Variants in SLC9A9 observed in about 807,000 individuals in gnomAD.
SLC9A9 encodes the protein solute carrier family 9 member A9.
Under a neutral mutation model 77.8 loss-of-function variants are expected in SLC9A9, and 62 were observed. The observed-to-expected ratio is 0.80, with a 90% CI of 0.65 to 0.98. The LOEUF (loss-of-function observed/expected upper bound fraction) is 0.98, where lower values mean the gene tolerates loss of function less well. Ranked by LOEUF, SLC9A9 falls within the 50% of genes least tolerant of loss-of-function variation. The pLI is 0.00. For synonymous variants in SLC9A9, 320 were observed against 283.5 expected (o/e 1.13, Z -1.29); for missense variants, 775 against 774.9 (o/e 1.00, Z 0.00).
intron 11 of SLC9A9, among the ~76,000 whole-genome samples, chr3:143,469,462 A>T (rs2035340707): frequency 6.6e-6 from 1 of 152,222 alleles, no homozygotes; most frequent in African/African-American, 2.4e-5. Context: ...AATCTCAATG[A>T]TCCACTTTTT....
chr3:143,534,728 G>T (rs2036565404), intron 9 of SLC9A9, among the ~76,000 whole-genome samples: 1 of 152,154 alleles, frequency 6.6e-6, no homozygotes, highest in Non-Finnish European at 1.5e-5. Context: ...TGGGTGCTAG[G>T]CTTGATGTCT....
At chr3:143,281,345 C>T (rs887069655) in intron 14 of SLC9A9, among the ~76,000 whole-genome samples, 3 of 152,080 alleles carry the variant, frequency 2.0e-5, no homozygotes, top group Non-Finnish European at 2.9e-5. Flanking sequence ...TGTAGTCTAA[C>T]CTATTCTAAT....
chr3:143,574,271 C>T, intron 7 of SLC9A9, 78 bp from the exon 8 acceptor site: 1 of 1,174,624 alleles, frequency 8.5e-7, no homozygotes, highest in East Asian at 2.5e-5. Context: ...AAAAACTGAT[C>T]TGGTGATGAT....
intron 9 of SLC9A9, among the ~76,000 whole-genome samples, chr3:143,504,493 C>T (rs1559943766): frequency 6.6e-6 from 1 of 151,916 alleles, no homozygotes; most frequent in East Asian, 1.9e-4. Context: ...ATTCTGAAGG[C>T]TTTTTTGCCT....
chr3:143,535,608 C>T (rs1241638358), intron 9 of SLC9A9, among the ~76,000 whole-genome samples: 4 of 152,054 alleles, frequency 2.6e-5, no homozygotes, highest in Admixed American at 1.3e-4. Flanking sequence ...ACAGTACTTT[C>T]GACTTAAGAT....
At chr3:143,569,696 C>T (rs1053423832) in intron 8 of SLC9A9, among the ~76,000 whole-genome samples, 1 of 152,012 alleles carries the variant, frequency 6.6e-6, no homozygotes, top group African/African-American at 2.4e-5. Context: ...CTATGCCAAC[C>T]CCTTTCCCTT....
chr3:143,708,802 G>A (rs995200360), intron 4 of SLC9A9, among the ~76,000 whole-genome samples: 1 of 152,320 alleles, frequency 6.6e-6, no homozygotes, highest in Admixed American at 6.5e-5. Context: ...GTGCTAAGGG[G>A]TTCAGAAGAT....
intron 12 of SLC9A9, among the ~76,000 whole-genome samples, chr3:143,390,180 A>G (rs2033525412): frequency 1.3e-5 from 2 of 152,198 alleles, no homozygotes; most frequent in Non-Finnish European, 2.9e-5. Flanking sequence ...CCTAGACATT[A>G]TGGAGGTGGG....
At chr3:143,698,372 T>C (rs182867910) in intron 4 of SLC9A9, among the ~76,000 whole-genome samples, 6 of 152,356 alleles carry the variant, frequency 3.9e-5, no homozygotes, top group African/African-American at 7.2e-5. Context: ...GCTGGTGCTA[T>C]AGTGCATATA....
chr3:143,552,886 A>C (rs1559964915), intron 8 of SLC9A9, among the ~76,000 whole-genome samples: 2 of 152,224 alleles, frequency 1.3e-5, no homozygotes, highest in African/African-American at 4.8e-5. Context: ...GGTAGCCTAA[A>C]GAAGTTCCTG....
intron 11 of SLC9A9, among the ~76,000 whole-genome samples, chr3:143,482,946 A>G (rs1161836060): frequency 2.0e-5 from 3 of 152,202 alleles, no homozygotes; most frequent in Non-Finnish European, 4.4e-5. Flanking sequence ...GGCGCTTAGC[A>G]TTCCTCTTAA....
intron 4 of SLC9A9, among the ~76,000 whole-genome samples, chr3:143,735,884 A>G (rs1001775991): frequency 2.0e-5 from 3 of 152,152 alleles, no homozygotes; most frequent in African/African-American, 7.2e-5. Flanking sequence ...TCTAAGCGTT[A>G]ATTTTTTTCA....
chr3:143,730,869 G>A lies in SLC9A9; in HGVS notation c.534-37562C>T, dbSNP rs574369109. Among the ~76,000 whole-genome samples, 1,063 of 151,914 alleles carry A rather than the reference G, an allele frequency of 7.0e-3. 8 individuals carry two copies. The highest frequency in any genetic ancestry group is 0.024 in the African/African-American group (999 of 41,386). On this transcript the variant is annotated intron_variant, in intron 4 of 15. Transcript: ENST00000316549. ...GAAGTCAGCATGACTTAAAAAAAAA[G>A]AAAAAGAAAAAGGTTTATCGCTAAA...
At chr3:143,696,124 T>C (rs937117753) in intron 4 of SLC9A9, among the ~76,000 whole-genome samples, 13 of 152,254 alleles carry the variant, frequency 8.5e-5, no homozygotes, top group Admixed American at 5.9e-4. Context: ...TGGTTTCTTT[T>C]GCTGTTCAGA....
At chr3:143,702,824 T>C (rs1279504589) in intron 4 of SLC9A9, among the ~76,000 whole-genome samples, 1 of 151,950 alleles carries the variant, frequency 6.6e-6, no homozygotes, top group Non-Finnish European at 1.5e-5. Flanking sequence ...CTGCTGCCTA[T>C]AATAAACACG....
chr3:143,540,445 A>G (rs1004261212), intron 9 of SLC9A9, among the ~76,000 whole-genome samples: 1 of 152,158 alleles, frequency 6.6e-6, no homozygotes, highest in Non-Finnish European at 1.5e-5. Flanking sequence ...AAAATGGAGG[A>G]GAGTGGTGAT....
intron 4 of SLC9A9, among the ~76,000 whole-genome samples, chr3:143,718,501 G>A (rs986812626): frequency 6.6e-6 from 1 of 152,184 alleles, no homozygotes; most frequent in Non-Finnish European, 1.5e-5. Flanking sequence ...ATGTGCCCGC[G>A]AGATTGGATC....
chr3:143,623,664 A>G (rs1404708408), intron 6 of SLC9A9, among the ~76,000 whole-genome samples: 1 of 152,228 alleles, frequency 6.6e-6, no homozygotes, highest in Non-Finnish European at 1.5e-5. Context: ...AGAAAGCAGG[A>G]AAGATCTAAA....
chr3:143,792,471 G>C (rs918714824), intron 4 of SLC9A9, among the ~76,000 whole-genome samples: 1 of 152,166 alleles, frequency 6.6e-6, no homozygotes, highest in African/African-American at 2.4e-5. Flanking sequence ...CAAGTGTAAA[G>C]TCACCCATTA....
Sources: gnomAD v4.1 joint callset for allele counts (sites outside exome capture counted in the v4.1 genomes callset) on GRCh38, gnomAD v4.1.1 for gene constraint, MANE v1.5 for transcripts, NCBI Gene and HGNC (gene_info 2026-07-23, HGNC 2026-07-21) for gene names.